The following CRYBG1 variants were observed in gnomAD, a reference collection of about 807,000 sequenced individuals.
CRYBG1 encodes the protein crystallin beta-gamma domain containing 1.
CRYBG1 carries 139 observed loss-of-function variants against 189.2 expected under a neutral mutation model. That is an observed-to-expected ratio of 0.73 (90% CI 0.64 to 0.85). The LOEUF (loss-of-function observed/expected upper bound fraction) is 0.85, where lower values mean the gene tolerates loss of function less well. Ranked by LOEUF, CRYBG1 falls within the 40% of genes least tolerant of loss-of-function variation. The pLI, the probability that CRYBG1 is intolerant of heterozygous loss-of-function variation, is 0.00. For missense variants in CRYBG1, 2,611 were observed against 2,675.8 expected, an observed-to-expected ratio of 0.98 and a Z score of 0.53; for synonymous variants, 1,023 against 1,017.1, an observed-to-expected ratio of 1.01 and a Z score of -0.11.
chr6:106,466,827 G>A (rs1222304349), intron 2 of CRYBG1, among the ~76,000 whole-genome samples: 1 of 152,104 alleles, frequency 6.6e-6, no homozygotes, highest in Admixed American at 6.5e-5. Context: ...ATAAGTGTAG[G>A]GTAGAGCCCA....
Position 106,513,001 on chromosome 6 carries a change from C to A in CRYBG1, c.1884C>A (p.Phe628Leu), listed in dbSNP as rs759612205. The change falls in exon 3 of 22, where the codon TTC becomes TTA. Residue 628 changes from phenylalanine (F) to leucine (L), a missense_variant. Physicochemically the swap from Phe to Leu is conservative, Grantham distance 22. Around this residue, in one of 3 missense-constraint regions of CRYBG1, gnomAD observed 985 missense variants for 924.4 expected, o/e 1.07. Transcript: ENST00000633556. ...ACGGCTTGAAGCCCAGGAACCATTT[C>A]GGCGTGGGCAGGTCGACAGTGACCA... ...DADGLKPRNH[F>L]GVGRSTVTTK... 1.2e-6 allele frequency: 2 copies of A among 1,608,752 alleles called. No homozygotes were observed. Among genetic ancestry groups the A allele is most frequent in the African/African-American group, 1.3e-5 (1 of 75,042 alleles).
chr6:106,491,878 A>G (rs945606412), intron 2 of CRYBG1, among the ~76,000 whole-genome samples: 1 of 152,006 alleles, frequency 6.6e-6, no homozygotes, highest in African/African-American at 2.4e-5. Flanking sequence ...CTTTCCCCAA[A>G]CGAGATCAAT....
At position 106,460,873 on chromosome 6, in the gene CRYBG1, G is replaced by T. The variant is rs142222655; in HGVS notation, c.312+9041G>T. Among the ~76,000 whole-genome samples the T allele has an allele frequency of 4.3e-3, 659 of 152,246 alleles. 4 individuals are homozygous for T. Among genetic ancestry groups the T allele is most frequent in the African/African-American group, 0.015 (628 of 41,544 alleles). On this transcript the variant is annotated intron_variant, in intron 2 of 21. Transcript: ENST00000633556. ...TAGGTCTTGGCTCACTGTAACCTCT[G>T]CCTGCCAGGTTCAAGTGATTCTCTT... is the stretch of plus-strand genomic sequence containing the variant.
chr6:106,481,625 C>T (rs554046847), intron 2 of CRYBG1, among the ~76,000 whole-genome samples: 57 of 152,306 alleles, frequency 3.7e-4, no homozygotes, highest in African/African-American at 1.3e-3. Context: ...CTGCATCAAC[C>T]AGTTCTCTCT....
chr6:106,380,660 T>C (rs1369265357), intron 1 of CRYBG1, among the ~76,000 whole-genome samples: 1 of 152,236 alleles, frequency 6.6e-6, no homozygotes. Context: ...TATTCAGTGA[T>C]GTCACTTGAC....
intron 20 of CRYBG1, among the ~76,000 whole-genome samples, chr6:106,562,500 T>A (rs1774749948): frequency 6.6e-6 from 1 of 152,252 alleles, no homozygotes. Context: ...ATACTTTAAT[T>A]TTTTTTAGAC....
At chr6:106,501,009 G>C (rs900198684) in intron 2 of CRYBG1, among the ~76,000 whole-genome samples, 1 of 152,138 alleles carries the variant, frequency 6.6e-6, no homozygotes, top group African/African-American at 2.4e-5. Flanking sequence ...GGAGGATAAA[G>C]GATTTCTGGA....
intron 1 of CRYBG1, among the ~76,000 whole-genome samples, chr6:106,376,056 CTGAG>C (rs1770157536): frequency 6.6e-6 from 1 of 152,202 alleles, no homozygotes; most frequent in Admixed American, 6.5e-5. Flanking sequence ...CCACGGTTGA[CTGAG>C]TGACTGCAAC....
At chr6:106,364,369 A>G (rs1771941299) in intron 1 of CRYBG1, among the ~76,000 whole-genome samples, 1 of 152,174 alleles carries the variant, frequency 6.6e-6, no homozygotes, top group Non-Finnish European at 1.5e-5. Flanking sequence ...GCCAGTCCAA[A>G]GATGATTTAA....
At chr6:106,543,408 C>G (rs752453969) in intron 10 of CRYBG1, 32 bp from the exon 11 acceptor site, 6 of 1,569,854 alleles carry the variant, frequency 3.8e-6, no homozygotes, top group Non-Finnish European at 5.2e-6. Flanking sequence ...ATACTTCTTA[C>G]AGATTACTGG....
chr6:106,381,873 A>G lies in CRYBG1; in HGVS notation c.173+20792A>G, dbSNP rs574931194. ...CCAGGCTATATTATCTTGAGGAGAT[A>G]TGGACAGGGCATGGACAATGTCTGA... On this transcript the variant is annotated intron_variant, in intron 1 of 21. Transcript: ENST00000633556. Among the ~76,000 whole-genome samples the G allele has an allele frequency of 1.6e-4, 25 of 152,346 alleles. No individual in the cohort carries two copies. In the South Asian group the frequency reaches 5.2e-3, roughly 32 times the overall value.
intron 1 of CRYBG1, among the ~76,000 whole-genome samples, chr6:106,385,210 C>T (rs1016460232): frequency 6.6e-6 from 1 of 152,204 alleles, no homozygotes; most frequent in Non-Finnish European, 1.5e-5. Context: ...AACCATCTCA[C>T]TTCTGTGTAT....
At chr6:106,372,171 A>G (rs570457589) in intron 1 of CRYBG1, among the ~76,000 whole-genome samples, 1 of 152,294 alleles carries the variant, frequency 6.6e-6, no homozygotes, top group East Asian at 1.9e-4. Flanking sequence ...TTATATCTTA[A>G]TGCCACTCCA....
At chr6:106,377,621 T>TTAAATATATA (rs1770195427) in intron 1 of CRYBG1, among the ~76,000 whole-genome samples, 1 of 69,456 alleles carries the variant, frequency 1.4e-5, no homozygotes, top group Non-Finnish European at 4.3e-5. Context: ...TCCTAAGGTT[T>TTAAATATATA]TATATATATA....
chr6:106,396,882 A>G lies in CRYBG1; in HGVS notation c.173+35801A>G, dbSNP rs568168342. On this transcript the variant is annotated intron_variant, in intron 1 of 21. Coordinates refer to ENST00000633556, the MANE Select transcript of CRYBG1 (RefSeq NM_001371242.2). Reference sequence around the variant, plus strand: ...TTTTTAGTAGAGCCGAGGTTTCACCATGTTGGCCAAGCTGATCTCGAACTC... The same window carrying G: ...TTTTTAGTAGAGCCGAGGTTTCACCGTGTTGGCCAAGCTGATCTCGAACTC... Among the ~76,000 whole-genome samples the G allele has an allele frequency of 4.6e-5, 7 of 152,298 alleles. No individual in the cohort carries two copies. The South Asian group carries it at 1.5e-3, about 32-fold the overall frequency.
intron 1 of CRYBG1, among the ~76,000 whole-genome samples, chr6:106,428,672 C>T (rs988911147): frequency 5.9e-5 from 9 of 152,144 alleles, no homozygotes; most frequent in Admixed American, 3.3e-4. Flanking sequence ...CAGTTAGACA[C>T]GGCAGAGTTG....
At chr6:106,566,364 C>T (rs1774886515) in intron 21 of CRYBG1, among the ~76,000 whole-genome samples, 1 of 151,626 alleles carries the variant, frequency 6.6e-6, no homozygotes, top group South Asian at 2.1e-4. Context: ...AGAGCCCCTT[C>T]CTAAATGACA....
chr6:106,439,951 A>G (rs965975469), intron 1 of CRYBG1, among the ~76,000 whole-genome samples: 3 of 152,236 alleles, frequency 2.0e-5, no homozygotes, highest in Non-Finnish European at 2.9e-5. Context: ...GGTATTTCAT[A>G]ATGTTGAACC....
At chr6:106,385,454 C>G (rs1770366926) in intron 1 of CRYBG1, among the ~76,000 whole-genome samples, 1 of 152,172 alleles carries the variant, frequency 6.6e-6, no homozygotes, top group Non-Finnish European at 1.5e-5. Flanking sequence ...GAAAGCCATC[C>G]AGTCATGGCA....
Sources: gnomAD v4.1 joint callset for allele counts (sites outside exome capture counted in the v4.1 genomes callset) on GRCh38, gnomAD v4.1.1 for gene constraint, gnomAD v4.1.1 regional missense constraint, MANE v1.5 for transcripts, NCBI Gene and HGNC (gene_info 2026-07-23, HGNC 2026-07-21) for gene names.